The following DNMT3A variants were observed in gnomAD, a reference collection of about 807,000 sequenced individuals.
DNMT3A encodes DNA methyltransferase 3 alpha, also known as DNA (cytosine-5)-methyltransferase 3A.
Under a neutral mutation model 117.6 loss-of-function variants are expected in DNMT3A, and 267 were observed. That is an observed-to-expected ratio of 2.27 (90% CI 2.05 to 2.51). The LOEUF (loss-of-function observed/expected upper bound fraction) is 2.51. Ranked by LOEUF, DNMT3A falls within the 30% of genes most tolerant of loss-of-function variation. The pLI, the probability that DNMT3A is intolerant of heterozygous loss-of-function variation, is 0.00. For synonymous variants in DNMT3A, 432 were observed against 474.8 expected (o/e 0.91, Z 1.17); for missense variants, 1,029 against 1,260.2 (o/e 0.82, Z 2.78).
intron 3 of DNMT3A, among the ~76,000 whole-genome samples, chr2:25,299,142 G>T (rs2033273797): frequency 6.6e-6 from 1 of 152,366 alleles, no homozygotes; most frequent in Non-Finnish European, 1.5e-5. Context: ...AAAGGAACCA[G>T]CTGTCTCTGG....
chr2:25,287,969 G>A (rs2032439368), intron 3 of DNMT3A, among the ~76,000 whole-genome samples: 1 of 151,700 alleles, frequency 6.6e-6, no homozygotes, highest in South Asian at 2.1e-4. Context: ...CAAGTAGCTG[G>A]GATTACAGGT....
chr2:25,309,196 C>T (rs1173802824), intron 2 of DNMT3A, among the ~76,000 whole-genome samples: 2 of 152,332 alleles, frequency 1.3e-5, no homozygotes, highest in East Asian at 1.9e-4. Flanking sequence ...CAAGCACGGT[C>T]ACTCAGTTCA....
intron 3 of DNMT3A, among the ~76,000 whole-genome samples, chr2:25,288,733 T>C (rs1480139277): frequency 6.6e-6 from 1 of 152,210 alleles, no homozygotes; most frequent in African/African-American, 2.4e-5. Context: ...CCCCCATCCA[T>C]CTCCAGAACT....
chr2:25,297,137 T>C (rs2033137795), intron 3 of DNMT3A, among the ~76,000 whole-genome samples: 1 of 152,096 alleles, frequency 6.6e-6, no homozygotes, highest in African/African-American at 2.4e-5. Context: ...GGCTGAGCCT[T>C]GGCTGCAGCA....
chr2:25,289,005 A>C (rs963006068), intron 3 of DNMT3A, among the ~76,000 whole-genome samples: 1 of 152,132 alleles, frequency 6.6e-6, no homozygotes, highest in South Asian at 2.1e-4. Context: ...GTTTGTTTAC[A>C]AAGCCCTTTC....
intron 20 of DNMT3A, 129 bp downstream of exon 20, chr2:25,239,001 C>T: frequency 1.4e-6 from 1 of 706,736 alleles, no homozygotes; most frequent in Non-Finnish European, 2.4e-6. Flanking sequence ...AAATAAGGAA[C>T]ATGGCAGAGC....
intron 1 of DNMT3A, among the ~76,000 whole-genome samples, chr2:25,332,040 C>T (rs1032663594): frequency 3.3e-5 from 5 of 152,218 alleles, no homozygotes; most frequent in Non-Finnish European, 5.9e-5. Context: ...TGTCACACCA[C>T]GCACACCCTG....
chr2:25,242,197 C>T (rs1313328024), intron 16 of DNMT3A, among the ~76,000 whole-genome samples: 3 of 152,088 alleles, frequency 2.0e-5, no homozygotes, highest in African/African-American at 7.2e-5. Flanking sequence ...CAGCTCTGTG[C>T]ATCCCTTGCC....
intron 6 of DNMT3A, among the ~76,000 whole-genome samples, chr2:25,251,013 G>A (rs1675464818): frequency 1.3e-5 from 2 of 152,146 alleles, no homozygotes; most frequent in Admixed American, 1.3e-4. Flanking sequence ...ACTTCCCCCA[G>A]CTTGTCAGAT....
intron 6 of DNMT3A, chr2:25,249,523 C>G: frequency 9.8e-7 from 1 of 1,023,288 alleles, no homozygotes; most frequent in Non-Finnish European, 1.5e-6. Context: ...CCCTTCAGAT[C>G]CATAAATACA....
chr2:25,297,792 G>C (rs1189340400), intron 3 of DNMT3A, among the ~76,000 whole-genome samples: 1 of 152,242 alleles, frequency 6.6e-6, no homozygotes, highest in Admixed American at 6.5e-5. Flanking sequence ...TTACAGGCAT[G>C]AGCCACTGCG....
intron 3 of DNMT3A, among the ~76,000 whole-genome samples, chr2:25,290,897 T>G (rs573004847): frequency 2.6e-5 from 4 of 152,246 alleles, no homozygotes; most frequent in African/African-American, 9.6e-5. Context: ...GCCCAGCAGA[T>G]GCAGGGGCGA....
intron 4 of DNMT3A, among the ~76,000 whole-genome samples, chr2:25,280,008 A>G (rs772745431): frequency 5.3e-5 from 8 of 152,064 alleles, no homozygotes; most frequent in African/African-American, 1.2e-4. Flanking sequence ...CAAATTTTGG[A>G]GGTCAAGGAG....
rs1392321301 is a variant in DNMT3A, at chr2:25,254,113, C to T, written c.640-5861G>A. Among the ~76,000 whole-genome samples, 2 of 152,030 alleles carry T rather than the reference C, an allele frequency of 1.3e-5. No homozygotes were observed. The highest frequency in any genetic ancestry group is 2.9e-5 in the Non-Finnish European group (2 of 68,004). ...AAGATCTGGACTTCAGTTCTGTTTCCACCACCATGACCTTAAACAAGTCAC... is the reference window on the plus strand; with the variant it reads ...AAGATCTGGACTTCAGTTCTGTTTCTACCACCATGACCTTAAACAAGTCAC... On this transcript the variant is annotated intron_variant, in intron 6 of 22. Coordinates refer to ENST00000321117, the MANE Select transcript of DNMT3A (RefSeq NM_022552.5). This position sits in a 1 kb window ranked among gnomAD's most constrained non-coding sequence, Gnocchi z 4.7.
chr2:25,272,803 C>CTT (rs1217338234), intron 6 of DNMT3A, among the ~76,000 whole-genome samples: 7 of 130,694 alleles, frequency 5.4e-5, no homozygotes, highest in African/African-American at 1.7e-4. Context: ...TGCACTTTCT[C>CTT]TTTTTTTTTT....
rs766397390 is a variant in DNMT3A at position 25,241,561 on chromosome 2, C to G, written c.2082+1G>C. On this transcript the variant is annotated splice_donor_variant, in intron 17 of 22. Transcript: ENST00000321117. LOFTEE classifies it high-confidence loss of function. ...GGCTGCGCCCCACAGCATGGACATA[C>G]ATGCTTCTGTGTGACGCTGCGGACG... The G allele has an allele frequency of 6.2e-7, 1 of 1,612,796 alleles. No individual in the cohort carries two copies. Among genetic ancestry groups the G allele is most frequent in the Non-Finnish European group, 8.5e-7 (1 of 1,179,554 alleles).
intron 1 of DNMT3A, among the ~76,000 whole-genome samples, chr2:25,340,929 C>T (rs1481691534): frequency 2.8e-5 from 4 of 144,062 alleles, no homozygotes; most frequent in South Asian, 2.1e-4. Flanking sequence ...GCCACCGCGG[C>T]CGCCCGGGCA....
At chr2:25,276,408 G>A (rs2031412219) in intron 4 of DNMT3A, among the ~76,000 whole-genome samples, 1 of 152,168 alleles carries the variant, frequency 6.6e-6, no homozygotes, top group Non-Finnish European at 1.5e-5. Context: ...TACTGTAGGT[G>A]CTCAATACAT....
At chr2:25,319,367 C>A (rs2034507677) in intron 1 of DNMT3A, among the ~76,000 whole-genome samples, 1 of 151,750 alleles carries the variant, frequency 6.6e-6, no homozygotes. Context: ...CCAGGCTGAT[C>A]TTGAACTCCT....
Sources: gnomAD v4.1 joint callset for allele counts (sites outside exome capture counted in the v4.1 genomes callset) on GRCh38, gnomAD v4.1.1 for gene constraint, Gnocchi (gnomAD v3.1) non-coding constraint, MANE v1.5 for transcripts, NCBI Gene and HGNC (gene_info 2026-07-23, HGNC 2026-07-21) for gene names.